The following GLIS2 variants were observed in gnomAD, a reference collection of about 807,000 sequenced individuals.
GLIS2 encodes the protein zinc finger protein GLIS2.
GLIS2 carries 14 observed loss-of-function variants against 35.6 expected under a neutral mutation model. The ratio of observed to expected loss-of-function variants is 0.39; its 90% CI spans 0.26 to 0.61. The LOEUF (loss-of-function observed/expected upper bound fraction) is 0.61. Among genes scored for constraint, GLIS2 ranks in the 20% least tolerant of loss-of-function variants. The pLI is 0.48. For missense variants in GLIS2, 675 were observed against 713.4 expected (o/e 0.95, Z 0.61); for synonymous variants, 368 against 325.1 (o/e 1.13, Z -1.42).
intron 1 of GLIS2, chr16:4,325,256 G>C (rs2053418539): frequency 6.6e-6 from 1 of 152,280 alleles, no homozygotes; most frequent in Non-Finnish European, 1.5e-5. Flanking sequence ...AGTGAACATG[G>C]CTTCTGGACT....
In GLIS2 at chr16:4,337,587, GA is replaced by G. The variant is rs2053571751; in HGVS notation, c.*66del. Reference sequence around the variant, plus strand: ...CTCCCGGCACTGCCCCCGACGAACGGAAACTCTTCTGTGAAATAGCAATAAT... The same window carrying G: ...CTCCCGGCACTGCCCCCGACGAACGGAACTCTTCTGTGAAATAGCAATAAT... On this transcript the variant is annotated 3_prime_UTR_variant, in exon 7 of 7. Transcript: ENST00000433375. 1.3e-6 allele frequency: 2 copies of G among 1,533,498 alleles called. No homozygotes were observed. The highest frequency in any genetic ancestry group is 2.7e-5 in the African/African-American group (2 of 72,970). The allele number at this position is 1,533,498 out of a possible 1,614,324, so 95.0% of individuals were successfully genotyped here.
chr16:4,320,177 G>T lies in GLIS2; in HGVS notation c.-67+3923G>T, dbSNP rs985168306. 6.6e-6 allele frequency among the ~76,000 whole-genome samples: 1 copy of T among 152,186 alleles called. No individual in the cohort carries two copies. The highest frequency in any genetic ancestry group is 1.5e-5 in the Non-Finnish European group (1 of 68,020). On this transcript the variant is annotated intron_variant, in intron 1 of 6. Transcript: ENST00000433375. This position sits in a 1 kb window ranked among gnomAD's most constrained non-coding sequence, Gnocchi z 5.6. ...GTGCACACGGACTCCAGCCTTGGCA[G>T]ATGGCTGCCGGGGAAGGGACGGAGA...
intron 1 of GLIS2, among the ~76,000 whole-genome samples, chr16:4,316,682 G>A (rs1032457901): frequency 2.6e-5 from 4 of 152,080 alleles, no homozygotes; most frequent in Non-Finnish European, 4.4e-5. Flanking sequence ...GCTGCTGCTA[G>A]GAAGGGCTTT....
intron 2 of GLIS2, among the ~76,000 whole-genome samples, 164 bp from the exon 3 acceptor site, chr16:4,333,183 G>A (rs1415288555): frequency 6.6e-6 from 1 of 152,164 alleles, no homozygotes; most frequent in East Asian, 1.9e-4. Flanking sequence ...GTGGTGGGTG[G>A]TGTCACACAC....
chr16:4,327,930 CG>C (rs1391324056), intron 1 of GLIS2, among the ~76,000 whole-genome samples: 3 of 151,834 alleles, frequency 2.0e-5, no homozygotes, highest in African/African-American at 7.2e-5. Flanking sequence ...TGGGCCCTTG[CG>C]TGTGGGGGCG....
At chr16:4,327,283 G>A (rs28564381) in intron 1 of GLIS2, among the ~76,000 whole-genome samples, 4,927 of 152,298 alleles carry the variant, frequency 0.032, 276 homozygotes, top group African/African-American at 0.11. Context: ...GTGAGATCGG[G>A]AAAATGACAG....
intron 1 of GLIS2, among the ~76,000 whole-genome samples, chr16:4,330,223 GC>G (rs2053484083): frequency 6.6e-6 from 1 of 151,998 alleles, no homozygotes; most frequent in African/African-American, 2.4e-5. Context: ...GTTGCAGTGA[GC>G]CCAGATCACA....
At chr16:4,330,201 C>T (rs1203155260) in intron 1 of GLIS2, among the ~76,000 whole-genome samples, 2 of 151,926 alleles carry the variant, frequency 1.3e-5, no homozygotes, top group South Asian at 2.1e-4. Flanking sequence ...CGCTTGAACT[C>T]GGGAGGCAGA....
At chr16:4,318,717 G>A (rs2053342475) in intron 1 of GLIS2, among the ~76,000 whole-genome samples, 1 of 152,230 alleles carries the variant, frequency 6.6e-6, no homozygotes, top group South Asian at 2.1e-4. Flanking sequence ...TCCCGGCCTG[G>A]CCTTGGCCCC....
At chr16:4,334,238 C>CTT (rs781643023) in intron 3 of GLIS2, among the ~76,000 whole-genome samples, 11 of 120,348 alleles carry the variant, frequency 9.1e-5, no homozygotes, top group Admixed American at 2.6e-4. Context: ...TGTGCCCGGC[C>CTT]TTTTTTTTTT....
chr16:4,315,962 C>G (rs564687121), upstream of GLIS2, among the ~76,000 whole-genome samples: 131 of 148,194 alleles, frequency 8.8e-4, no homozygotes, highest in Non-Finnish European at 1.6e-3. Context: ...CCTCCTCGCC[C>G]TCCTCCGCGG....
chr16:4,328,834 C>T (rs775028219), intron 1 of GLIS2, among the ~76,000 whole-genome samples: 8 of 152,192 alleles, frequency 5.3e-5, no homozygotes, highest in African/African-American at 9.7e-5. Flanking sequence ...CCTGGCTCCC[C>T]GAGTCCCCAT....
Position 4,316,228 on chromosome 16 carries a change from C to T in GLIS2, c.-93C>T, listed in dbSNP as rs2053309471. Among the ~76,000 whole-genome samples, 2 of 142,664 alleles carry T rather than the reference C, an allele frequency of 1.4e-5. No individual in the cohort carries two copies. The highest frequency in any genetic ancestry group is 2.5e-5 in the African/African-American group (1 of 39,354). The allele number at this position is 142,664 out of a possible 152,430, so 93.6% of individuals were successfully genotyped here. A position where few individuals can be genotyped will look rare whatever the true frequency, so the allele number is the denominator to read the frequency against. ...CCCCCGACCGCCGGAGCCCGCAGCC[C>T]GGATCCCGACCGCCCCCGCCGCTGA... On this transcript the variant is annotated 5_prime_UTR_variant, in exon 1 of 7. Coordinates refer to ENST00000433375, the MANE Select transcript of GLIS2 (RefSeq NM_032575.3).
rs761290281 is a variant in GLIS2, at chr16:4,336,876, A to G, written c.927A>G (p.Ser309=). The G allele has an allele frequency of 1.9e-6, 3 of 1,613,350 alleles. No individual in the cohort carries two copies. Among genetic ancestry groups the G allele is most frequent in the South Asian group, 1.1e-5 (1 of 91,090 alleles). ...GCHKRYTDPS[S]LRKHIKAHGH... ...ACAAGCGCTACACGGACCCCAGCTCACTGCGCAAGCACATCAAGGCCCATG... is the reference window on the plus strand; with the variant it reads ...ACAAGCGCTACACGGACCCCAGCTCGCTGCGCAAGCACATCAAGGCCCATG... Residue 309 remains serine, a synonymous_variant, in exon 7 of 7, where the codon TCA becomes TCG. Coordinates refer to ENST00000433375, the MANE Select transcript of GLIS2 (RefSeq NM_032575.3).
chr16:4,333,111 C>T (rs976811299), intron 2 of GLIS2, among the ~76,000 whole-genome samples: 84 of 152,188 alleles, frequency 5.5e-4, no homozygotes, highest in Non-Finnish European at 1.5e-4. Context: ...GTCTGCAAAG[C>T]GGGCACTTCC....
At chr16:4,322,786 G>C (rs1369494964) in intron 1 of GLIS2, among the ~76,000 whole-genome samples, 1 of 152,234 alleles carries the variant, frequency 6.6e-6, no homozygotes, top group Admixed American at 6.5e-5. Flanking sequence ...TCCTGCTCTC[G>C]GAGTTGGCGG....
chr16:4,327,373 G>A (rs1405991552), intron 1 of GLIS2, among the ~76,000 whole-genome samples: 1 of 152,216 alleles, frequency 6.6e-6, no homozygotes, highest in Non-Finnish European at 1.5e-5. Flanking sequence ...GTACCTAATG[G>A]TCCTTTACCC....
intron 1 of GLIS2, chr16:4,331,475 C>T (rs1182709877): frequency 6.6e-6 from 1 of 152,420 alleles, no homozygotes; most frequent in Non-Finnish European, 1.5e-5. Context: ...GTTCAAGGCT[C>T]TCAGCTCTGA....
upstream of GLIS2, among the ~76,000 whole-genome samples, chr16:4,315,821 C>G (rs1484796540): frequency 6.6e-6 from 1 of 150,868 alleles, no homozygotes; most frequent in African/African-American, 2.4e-5. Context: ...CCGCCGCCCC[C>G]TCCCCCGACG....
Sources: allele counts gnomAD v4.1 joint callset (sites outside exome capture counted in the v4.1 genomes callset), GRCh38; gene constraint gnomAD v4.1.1; non-coding constraint Gnocchi (gnomAD v3.1); transcripts MANE v1.5; gene names NCBI Gene and HGNC (gene_info 2026-07-23, HGNC 2026-07-21).